Variants in MAP3K7CL observed in about 807,000 individuals in gnomAD.
MAP3K7CL encodes the protein MAP3K7 C-terminal-like protein.
MAP3K7CL carries 16 observed loss-of-function variants against 18.6 expected under a neutral mutation model. The ratio of observed to expected loss-of-function variants is 0.86; its 90% CI spans 0.58 to 1.31. MAP3K7CL has a LOEUF of 1.31. MAP3K7CL is among the 50% of genes most tolerant of loss of function. MAP3K7CL has a pLI of 0.00. For synonymous variants in MAP3K7CL, 65 were observed against 66.8 expected, an observed-to-expected ratio of 0.97 and a Z score of 0.13; for missense variants, 163 against 174.4, an observed-to-expected ratio of 0.93 and a Z score of 0.37.
chr21:29,159,807 A>G, intron 3 of MAP3K7CL, 134 bp from the exon 4 acceptor site: 3 of 625,718 alleles, frequency 4.8e-6, no homozygotes, highest in Non-Finnish European at 8.4e-6. Context: ...ATGTTGACTG[A>G]CAATGCTGTT....
chr21:29,162,976 T>C (rs2087589781), intron 4 of MAP3K7CL, among the ~76,000 whole-genome samples: 1 of 152,088 alleles, frequency 6.6e-6, no homozygotes, highest in African/African-American at 2.4e-5. Flanking sequence ...GTGTGGTAGA[T>C]AGCACGTGCC....
chr21:29,105,460 A>G (rs1432821909), intron 4 of MAP3K7CL, among the ~76,000 whole-genome samples: 3 of 152,236 alleles, frequency 2.0e-5, no homozygotes, highest in Non-Finnish European at 2.9e-5. Context: ...TTAGTTATCC[A>G]GTTATACCTA....
chr21:29,157,262 A>G (rs912476089), intron 3 of MAP3K7CL, among the ~76,000 whole-genome samples: 1 of 152,228 alleles, frequency 6.6e-6, no homozygotes, highest in Non-Finnish European at 1.5e-5. Flanking sequence ...GTCTGTACCC[A>G]TTAAACAACA....
At chr21:29,123,172 C>T (rs2086626881) in intron 4 of MAP3K7CL, among the ~76,000 whole-genome samples, 1 of 151,372 alleles carries the variant, frequency 6.6e-6, no homozygotes, top group Non-Finnish European at 1.5e-5. Flanking sequence ...AAGTGATTCC[C>T]CTGCCTCAGC....
chr21:29,091,485 T>C (rs1288031486), intron 1 of MAP3K7CL: 8 of 669,274 alleles, frequency 1.2e-5, no homozygotes, highest in Non-Finnish European at 2.1e-5. Flanking sequence ...TTTTCTTTTT[T>C]ATTTTTTCAA....
chr21:29,126,193 C>T (rs1049592580), upstream of MAP3K7CL, among the ~76,000 whole-genome samples: 5 of 152,168 alleles, frequency 3.3e-5, no homozygotes, highest in African/African-American at 9.7e-5. Context: ...AGGATAAGGC[C>T]GTCCACTGGA....
intron 4 of MAP3K7CL, among the ~76,000 whole-genome samples, chr21:29,103,023 C>T (rs994660532): frequency 7.2e-5 from 11 of 152,314 alleles, no homozygotes; most frequent in African/African-American, 2.2e-4. Context: ...AACCACCTAG[C>T]TAAGCTGCTC....
At chr21:29,132,544 C>G (rs1004548280) in intron 1 of MAP3K7CL, among the ~76,000 whole-genome samples, 1 of 152,112 alleles carries the variant, frequency 6.6e-6, no homozygotes, top group African/African-American at 2.4e-5. Flanking sequence ...GAGTCTCACT[C>G]TGTCGCCCAG....
At chr21:29,140,222 C>T (rs546279396) in intron 2 of MAP3K7CL, among the ~76,000 whole-genome samples, 1 of 152,238 alleles carries the variant, frequency 6.6e-6, no homozygotes, top group Non-Finnish European at 1.5e-5. Context: ...CTTATAAAAT[C>T]AGTAATACAC....
At position 29,149,190 on chromosome 21, in the gene MAP3K7CL, T is replaced by A; in HGVS notation, c.72T>A (p.Asp24Glu). ...AATCATTTTATTTCCTTGTTTTAGA[T>A]GATACACCCCCTGAAGACTCCATTC... ...RIAFSLNDAS[D>E]DTPPEDSIPL... is the part of the protein sequence containing the mutation. The change falls in exon 3 of 5, where the codon GAT (aspartate) becomes GAA (glutamate). Residue 24 changes from aspartate (D) to glutamate (E), a missense_variant and splice_region_variant. Physicochemically the swap from Asp to Glu is conservative, Grantham distance 45 (BLOSUM62 2). Transcript: ENST00000399928. 6.2e-7 allele frequency: 1 copy of A among 1,613,728 alleles called. No individual in the cohort carries two copies. Among genetic ancestry groups the A allele is most frequent in the African/African-American group, 1.3e-5 (1 of 75,030 alleles).
intron 3 of MAP3K7CL, among the ~76,000 whole-genome samples, chr21:29,157,205 T>C (rs771429091): frequency 3.9e-5 from 6 of 152,240 alleles, no homozygotes; most frequent in Admixed American, 2.0e-4. Flanking sequence ...ATATTCACAT[T>C]GTTGTGCAAC....
At chr21:29,163,898 A>G (rs1334766534) in intron 4 of MAP3K7CL, among the ~76,000 whole-genome samples, 3 of 151,784 alleles carry the variant, frequency 2.0e-5, no homozygotes, top group Non-Finnish European at 2.9e-5. Flanking sequence ...GCATCTTGCT[A>G]TGTTGCCCAG....
At chr21:29,161,311 C>A (rs2087543101) in intron 4 of MAP3K7CL, among the ~76,000 whole-genome samples, 2 of 151,358 alleles carry the variant, frequency 1.3e-5, no homozygotes, top group Non-Finnish European at 2.9e-5. Context: ...GACTCTATCT[C>A]AAAAAAAACA....
At chr21:29,108,565 A>G (rs1239404422) in intron 4 of MAP3K7CL, among the ~76,000 whole-genome samples, 2 of 152,180 alleles carry the variant, frequency 1.3e-5, no homozygotes, top group African/African-American at 4.8e-5. Flanking sequence ...CTGTGCTTAT[A>G]TCAGTACTGA....
chr21:29,117,724 C>T (rs1308634548), intron 4 of MAP3K7CL, among the ~76,000 whole-genome samples: 1 of 152,156 alleles, frequency 6.6e-6, no homozygotes, highest in Non-Finnish European at 1.5e-5. Context: ...TTTTTATGAA[C>T]AAAACATGAT....
upstream of MAP3K7CL, among the ~76,000 whole-genome samples, chr21:29,083,171 C>T (rs568224349): frequency 8.5e-5 from 13 of 152,312 alleles, no homozygotes; most frequent in East Asian, 2.3e-3. Context: ...TGGCCTTACT[C>T]TATTACACAG....
At chr21:29,126,958 A>C (rs555504682), upstream of MAP3K7CL, among the ~76,000 whole-genome samples, 1 of 152,336 alleles carries the variant, frequency 6.6e-6, no homozygotes, top group South Asian at 2.1e-4. Context: ...AAATGCTATG[A>C]ATAGCCATTA....
At chr21:29,085,083 C>T (rs1290484678), upstream of MAP3K7CL, 1 of 152,164 alleles carries the variant, frequency 6.6e-6, no homozygotes, top group Non-Finnish European at 1.5e-5. Flanking sequence ...TGTGGAATAA[C>T]CCTTAAGCCC....
chr21:29,114,212 G>C (rs2086467569), intron 4 of MAP3K7CL, among the ~76,000 whole-genome samples: 1 of 151,454 alleles, frequency 6.6e-6, no homozygotes, highest in African/African-American at 2.4e-5. Flanking sequence ...GGGACTACAG[G>C]CATGCGCCAC....
Sources: allele counts gnomAD v4.1 joint callset (sites outside exome capture counted in the v4.1 genomes callset), GRCh38; gene constraint gnomAD v4.1.1; transcripts MANE v1.5; gene names NCBI Gene and HGNC (gene_info 2026-07-23, HGNC 2026-07-21).